The following ADAM23 variants were observed in gnomAD, a reference collection of about 807,000 sequenced individuals.
The protein encoded by ADAM23 is ADAM metallopeptidase domain 23, also known as disintegrin and metalloproteinase domain-containing protein 23.
Under a neutral mutation model 120.1 loss-of-function variants are expected in ADAM23, and 33 were observed. The observed-to-expected ratio is 0.27, with a 90% CI of 0.21 to 0.37. The LOEUF is 0.37. Ranked by LOEUF, ADAM23 falls within the 10% of genes least tolerant of loss-of-function variation. The probability of loss-of-function intolerance (pLI) is 1.00; values close to 1 mark genes in which losing one functional copy is unlikely to be tolerated. For synonymous variants in ADAM23, 367 were observed against 375.2 expected (o/e 0.98, Z 0.25); for missense variants, 862 against 1,058.2 (o/e 0.81, Z 2.57).
In ADAM23 at chr2:206,525,932, A is replaced by T. The variant is rs79808991; in HGVS notation, c.510-4953A>T. On this transcript the variant is annotated intron_variant, in intron 3 of 25. Coordinates refer to ENST00000264377, the MANE Select transcript of ADAM23 (RefSeq NM_003812.4). ...AAGGGGTTCAAGTTATTTTCCAAAA[A>T]AACTGGATCTACTCTTCTTGGTTAA... is the stretch of plus-strand genomic sequence containing the variant. 3.6e-3 allele frequency among the ~76,000 whole-genome samples: 553 copies of T among 152,182 alleles called. 6 individuals are homozygous for T. The highest frequency in any genetic ancestry group is 0.013 in the African/African-American group (527 of 41,514).
At chr2:206,533,451 C>G (rs1697110729) in intron 4 of ADAM23, among the ~76,000 whole-genome samples, 1 of 152,204 alleles carries the variant, frequency 6.6e-6, no homozygotes, top group Admixed American at 6.5e-5. Flanking sequence ...GATCCACCCG[C>G]CTCAGCCTCC....
In ADAM23 at chr2:206,508,052, C is replaced by T. The variant is rs555906443; in HGVS notation, c.510-22833C>T. ...GCCTAGTTCACTTTTTTTTTTGAGA[C>T]GGAGTCTCGCTCTGTTTCCCAGGCT... On this transcript the variant is annotated intron_variant, in intron 3 of 25. Coordinates refer to ENST00000264377, the MANE Select transcript of ADAM23 (RefSeq NM_003812.4). Among the ~76,000 whole-genome samples, 16 of 151,712 alleles carry T rather than the reference C, an allele frequency of 1.1e-4. No individual in the cohort carries two copies. The East Asian group carries it at 2.7e-3, about 26-fold the overall frequency.
intron 2 of ADAM23, among the ~76,000 whole-genome samples, chr2:206,475,331 T>C (rs1695754556): frequency 6.6e-6 from 1 of 152,190 alleles, no homozygotes; most frequent in Admixed American, 6.5e-5. Context: ...TCTTTTGGAC[T>C]TCAAAACTTT....
chr2:206,588,723 A>G (rs1468498683), intron 20 of ADAM23, among the ~76,000 whole-genome samples: 6 of 152,174 alleles, frequency 3.9e-5, no homozygotes, highest in African/African-American at 1.4e-4. Context: ...ATATCAGTTC[A>G]TGAGGGCCAG....
intron 3 of ADAM23, among the ~76,000 whole-genome samples, chr2:206,490,610 A>G (rs1044059455): frequency 1.3e-5 from 2 of 152,184 alleles, no homozygotes. Flanking sequence ...GTGCAATATG[A>G]TGTAGTCAAA....
At chr2:206,492,978 A>G (rs912392905) in intron 3 of ADAM23, among the ~76,000 whole-genome samples, 5 of 152,220 alleles carry the variant, frequency 3.3e-5, no homozygotes, top group Non-Finnish European at 5.9e-5. Flanking sequence ...ACTACTATTC[A>G]TTGCATAAAT....
chr2:206,550,009 C>A, intron 8 of ADAM23, 86 bp from the exon 9 acceptor site: 3 of 765,352 alleles, frequency 3.9e-6, no homozygotes, highest in South Asian at 3.0e-5. Context: ...TTCTGAAATT[C>A]AAAGTCTTAT....
intron 18 of ADAM23, among the ~76,000 whole-genome samples, chr2:206,580,095 A>G (rs909454153): frequency 3.9e-5 from 6 of 152,046 alleles, no homozygotes; most frequent in Non-Finnish European, 8.8e-5. Context: ...GAATTCTTTT[A>G]TCAGTTCTAG....
rs1175003500 is a variant in ADAM23 at position 206,620,459 on chromosome 2, G to A, written c.*2832G>A. The stretch of plus-strand genomic sequence containing the variant: ...ATTATTTTTGATGGTATTAGGTTAT[G>A]TAGTTTCAAACTCTTTGCTGTATTT... On this transcript the variant is annotated 3_prime_UTR_variant, in exon 26 of 26. Transcript: ENST00000264377. The A allele has an allele frequency of 6.6e-6, 1 of 152,188 alleles. No homozygotes were observed. The highest frequency in any genetic ancestry group is 2.4e-5 in the African/African-American group (1 of 41,438). 9.4% of individuals were successfully genotyped at this position (152,188 alleles called of 1,614,324 possible).
intron 2 of ADAM23, among the ~76,000 whole-genome samples, chr2:206,451,720 C>A (rs1356648544): frequency 5.9e-5 from 9 of 152,150 alleles, no homozygotes. Context: ...TTGCAGAGCT[C>A]ATGCTGAAGA....
At chr2:206,560,262 T>C (rs1697737045) in intron 11 of ADAM23, 144 bp downstream of exon 11, 2 of 857,746 alleles carry the variant, frequency 2.3e-6, no homozygotes. Flanking sequence ...ATAAGAAGCA[T>C]GGAGTTAGGA....
chr2:206,497,866 A>G (rs569567124), intron 3 of ADAM23, among the ~76,000 whole-genome samples: 59 of 152,224 alleles, frequency 3.9e-4, no homozygotes, highest in African/African-American at 1.3e-3. Flanking sequence ...ATAACAGACA[A>G]ACAGAGAGCC....
At chr2:206,460,105 CTTTT>C (rs34090725) in intron 2 of ADAM23, among the ~76,000 whole-genome samples, 1 of 146,452 alleles carries the variant, frequency 6.8e-6, no homozygotes, top group Admixed American at 6.8e-5. Flanking sequence ...CTCAGAATGA[CTTTT>C]TTTTTTTTTT....
intron 3 of ADAM23, among the ~76,000 whole-genome samples, chr2:206,515,172 A>T (rs998347526): frequency 6.6e-5 from 10 of 152,254 alleles, no homozygotes; most frequent in Non-Finnish European, 1.3e-4. Context: ...CTCTTATTAC[A>T]GTAGGAGAAT....
chr2:206,473,450 TA>T, intron 2 of ADAM23, among the ~76,000 whole-genome samples: 1 of 152,064 alleles, frequency 6.6e-6, no homozygotes, highest in East Asian at 1.9e-4. Context: ...AAATAATATT[TA>T]TGCCAGGGGT....
At chr2:206,514,948 T>C (rs964936992) in intron 3 of ADAM23, among the ~76,000 whole-genome samples, 1 of 152,218 alleles carries the variant, frequency 6.6e-6, no homozygotes, top group African/African-American at 2.4e-5. Context: ...TACAGTATAG[T>C]GTAAACCTAC....
rs1307267482 is a variant in ADAM23 at position 206,496,780 on chromosome 2, GA to G, written c.509+15474del. 2.6e-5 allele frequency among the ~76,000 whole-genome samples: 4 copies of G among 152,040 alleles called. No homozygotes were observed. In the East Asian group the frequency reaches 7.7e-4, roughly 29 times the overall value. ...CAAGACTAATAAAGAAGAAAAGAGAGAAGAATCAAATAGACACAATAAAAAA... is the reference window on the plus strand; with the variant it reads ...CAAGACTAATAAAGAAGAAAAGAGAGAGAATCAAATAGACACAATAAAAAA... On this transcript the variant is annotated intron_variant, in intron 3 of 25. Transcript: ENST00000264377.
At chr2:206,546,982 C>A in intron 6 of ADAM23, among the ~76,000 whole-genome samples, 1 of 152,046 alleles carries the variant, frequency 6.6e-6, no homozygotes, top group Non-Finnish European at 1.5e-5. Context: ...TTTCCTCTTG[C>A]CAGCAAGGTG....
intron 9 of ADAM23, among the ~76,000 whole-genome samples, chr2:206,552,267 AC>A (rs1462274370): frequency 6.6e-6 from 1 of 152,144 alleles, no homozygotes; most frequent in Non-Finnish European, 1.5e-5. Context: ...CTGTTCTCAA[AC>A]CTTTACTTGC....
Sources: gnomAD v4.1 joint callset for allele counts (sites outside exome capture counted in the v4.1 genomes callset) on GRCh38, gnomAD v4.1.1 for gene constraint, MANE v1.5 for transcripts, NCBI Gene and HGNC (gene_info 2026-07-23, HGNC 2026-07-21) for gene names.